Variants in CXCL16 observed in about 807,000 individuals in gnomAD.
CXCL16 encodes C-X-C motif chemokine 16.
Under a neutral mutation model 23.8 loss-of-function variants are expected in CXCL16, and 18 were observed. That is an observed-to-expected ratio of 0.76 (90% CI 0.52 to 1.12). CXCL16 has a LOEUF of 1.12. Ranked by LOEUF, CXCL16 falls within the 50% of genes most tolerant of loss-of-function variation. The pLI, the probability that CXCL16 is intolerant of heterozygous loss-of-function variation, is 0.00. For synonymous variants in CXCL16, 123 were observed against 132.5 expected (o/e 0.93, Z 0.49); for missense variants, 297 against 315.4 (o/e 0.94, Z 0.44).
Position 4,739,917 on chromosome 17 carries a change from C to G in CXCL16, c.-578G>C. ...CGCGCGCACCTGCGGGGCAGCCACC[C>G]GCGGACGCACCGAGCCCGGGGGGCG... On this transcript the variant is annotated 5_prime_UTR_variant, in exon 1 of 6. Coordinates refer to ENST00000293778, the MANE Select transcript of CXCL16 (RefSeq NM_001386809.1). This position sits in a 1 kb window ranked among gnomAD's most constrained non-coding sequence, Gnocchi z 5.3. The G allele has an allele frequency of 1.0e-6, 1 of 985,328 alleles. No homozygotes were observed. The highest frequency in any genetic ancestry group is 1.2e-6 in the Non-Finnish European group (1 of 829,998). 61.0% of individuals were successfully genotyped at this position (985,328 alleles called of 1,614,324 possible).
intron 3 of CXCL16, among the ~76,000 whole-genome samples, chr17:4,736,013 T>C (rs1916147893): frequency 2.0e-5 from 3 of 151,032 alleles, no homozygotes; most frequent in Admixed American, 2.0e-4. Context: ...GAGGTTGCAG[T>C]GAGCCAAGAT....
intron 4 of CXCL16, 145 bp from the exon 5 acceptor site, chr17:4,734,797 A>G (rs1916101873): frequency 3.9e-6 from 3 of 763,954 alleles, no homozygotes; most frequent in African/African-American, 1.7e-5. Flanking sequence ...TTGTGAATTG[A>G]ATGACTGGCC....
intron 3 of CXCL16, among the ~76,000 whole-genome samples, chr17:4,736,937 C>T (rs1185815381): frequency 6.6e-6 from 1 of 152,016 alleles, no homozygotes. Flanking sequence ...CCTGCCTCAA[C>T]CTCCTGAGTA....
rs1250965137 is a variant in CXCL16, at chr17:4,738,025, G to A, written c.301+383C>T. Among the ~76,000 whole-genome samples, 1 of 149,704 alleles carries A rather than the reference G, an allele frequency of 6.7e-6. No individual in the cohort carries two copies. Among genetic ancestry groups the A allele is most frequent in the African/African-American group, 2.4e-5 (1 of 41,028 alleles). On this transcript the variant is annotated intron_variant, in intron 3 of 5. Transcript: ENST00000293778. The surrounding 1 kb of genome is among the most constrained non-coding windows in gnomAD (Gnocchi z 4.0). ...CGCGCCTGTAATCCCAGCTACTCAG[G>A]AGGCTGAGGCAGGAGAATCTCTTGA...
Position 4,735,126 on chromosome 17 carries a change from C to G in CXCL16, c.684G>C (p.Lys228Asn). The change falls in exon 4 of 6, where the codon AAG becomes AAC. Residue 228 changes from lysine (K) to asparagine (N), a missense_variant. Lys to Asn is a moderately conservative substitution (Grantham distance 94). Coordinates refer to ENST00000293778, the MANE Select transcript of CXCL16 (RefSeq NM_001386809.1). ...LTAALSYVLC[K>N]RRRGQSPQSS... is the part of the protein sequence containing the mutation. ...ACTGCGGTGACTGCCCCCTCCTCCTCTTGCACAGCACATAGGAAAGGGCTG... is the reference window on the plus strand; with the variant it reads ...ACTGCGGTGACTGCCCCCTCCTCCTGTTGCACAGCACATAGGAAAGGGCTG... 6.2e-7 allele frequency: 1 copy of G among 1,613,090 alleles called. No individual in the cohort carries two copies. The highest frequency in any genetic ancestry group is 8.5e-7 in the Non-Finnish European group (1 of 1,179,296).
At position 4,736,660 on chromosome 17, in the gene CXCL16, G is replaced by A. The variant is rs142017034; in HGVS notation, c.302-1152C>T. Among the ~76,000 whole-genome samples, 870 of 152,262 alleles carry A rather than the reference G, an allele frequency of 5.7e-3. 8 individuals carry two copies. The highest frequency in any genetic ancestry group is 0.015 in the South Asian group (74 of 4,832). On this transcript the variant is annotated intron_variant, in intron 3 of 5. Coordinates refer to ENST00000293778, the MANE Select transcript of CXCL16 (RefSeq NM_001386809.1). ...GGGAGGATGAAAGGAAATCATAGAG[G>A]TCTAGGCAGACTTAAAGGCAGTATG...
At position 4,739,132 on chromosome 17, in the gene CXCL16, G is replaced by T; in HGVS notation, c.79+129C>A. ...CGGGCCTCTGTCCCCAACCCCAGGC[G>T]GCTGGCTGGCTTTCCTCTTGTCCCC... On this transcript the variant is annotated intron_variant, in intron 1 of 5. Transcript: ENST00000293778. The surrounding 1 kb of genome is among the most constrained non-coding windows in gnomAD (Gnocchi z 5.3). 1 of 1,313,820 alleles carries T rather than the reference G, an allele frequency of 7.6e-7. No individual in the cohort carries two copies. The highest frequency in any genetic ancestry group is 1.0e-6 in the Non-Finnish European group (1 of 958,174). The allele number at this position is 1,313,820 out of a possible 1,614,324, so 81.4% of individuals were successfully genotyped here.
chr17:4,734,751 C>G (rs1441486248), intron 4 of CXCL16, 99 bp from the exon 5 acceptor site: 1 of 1,041,612 alleles, frequency 9.6e-7, no homozygotes, highest in Non-Finnish European at 1.5e-6. Flanking sequence ...GACATCAACA[C>G]TATGACCTGG....
chr17:4,738,539 C>T lies in CXCL16; in HGVS notation c.219-49G>A, dbSNP rs1216385046. On this transcript the variant is annotated intron_variant, in intron 2 of 5. Transcript: ENST00000293778. The surrounding 1 kb of genome is among the most constrained non-coding windows in gnomAD (Gnocchi z 4.0). ...AGCTGCGGCGCCTTCTTTCCTTCCCCGGCTCCTTCCTCATTCCAGAGGCGT... is the reference window on the plus strand; with the variant it reads ...AGCTGCGGCGCCTTCTTTCCTTCCCTGGCTCCTTCCTCATTCCAGAGGCGT... The T allele has an allele frequency of 7.0e-7, 1 of 1,436,780 alleles. No individual in the cohort carries two copies. Among genetic ancestry groups the T allele is most frequent in the South Asian group, 1.2e-5 (1 of 85,514 alleles). The allele number at this position is 1,436,780 out of a possible 1,614,324, so 89.0% of individuals were successfully genotyped here. A position where few individuals can be genotyped will look rare whatever the true frequency, so the allele number is the denominator to read the frequency against.
rs1396218464 is a variant in CXCL16, at chr17:4,735,236, GC to G, written c.573del (p.Gln191HisfsTer86). The G allele has an allele frequency of 1.2e-6, 2 of 1,614,128 alleles. No individual in the cohort carries two copies. Among genetic ancestry groups the G allele is most frequent in the South Asian group, 2.2e-5 (2 of 91,078 alleles). On this transcript the variant is annotated frameshift_variant, in exon 4 of 6. Coordinates refer to ENST00000293778, the MANE Select transcript of CXCL16 (RefSeq NM_001386809.1). LOFTEE classifies it high-confidence loss of function. ...AGPEAGENQK[Q>X]PEKNAGPTAR... Reference sequence around the variant, plus strand: ...GCTGTGGGACCAGCATTTTTTTCCGGCTGCTTCTGGTTCTCCCCAGCCTCAG... The same window carrying G: ...GCTGTGGGACCAGCATTTTTTTCCGGTGCTTCTGGTTCTCCCCAGCCTCAG...
chr17:4,739,543 C>A lies in CXCL16; in HGVS notation c.-204G>T. The A allele has an allele frequency of 1.3e-6, 1 of 762,790 alleles. No individual in the cohort carries two copies. The highest frequency in any genetic ancestry group is 3.1e-5 in the East Asian group (1 of 31,806). 47.3% of individuals were successfully genotyped at this position (762,790 alleles called of 1,614,324 possible). On this transcript the variant is annotated 5_prime_UTR_variant, in exon 1 of 6. Coordinates refer to ENST00000293778, the MANE Select transcript of CXCL16 (RefSeq NM_001386809.1). This position sits in a 1 kb window ranked among gnomAD's most constrained non-coding sequence, Gnocchi z 5.3. ...CGCTCAGTACTCGGCCCGCGCCATG[C>A]CAGCCTCTGGACGCAGGGAAAGCCG...
intron 3 of CXCL16, among the ~76,000 whole-genome samples, chr17:4,737,031 G>A (rs1916172229): frequency 6.6e-6 from 1 of 151,598 alleles, no homozygotes. Context: ...TGGTCAGGCT[G>A]GTCTCAAACT....
intron 3 of CXCL16, among the ~76,000 whole-genome samples, chr17:4,737,521 A>G (rs1228793479): frequency 7.1e-6 from 1 of 140,952 alleles, no homozygotes; most frequent in Non-Finnish European, 1.5e-5. Context: ...CGGAGGCTGC[A>G]GTGAGCTGAG....
chr17:4,736,356 G>C (rs1021415310), intron 3 of CXCL16: 1 of 152,308 alleles, frequency 6.6e-6, no homozygotes, highest in African/African-American at 2.4e-5. Context: ...CCAACAGAGG[G>C]AAGAGTGAGT....
rs1370497442 is a variant in CXCL16 at position 4,739,683 on chromosome 17, G to A, written c.-344C>T. On this transcript the variant is annotated 5_prime_UTR_variant, in exon 1 of 6. Transcript: ENST00000293778. The surrounding 1 kb of genome is among the most constrained non-coding windows in gnomAD (Gnocchi z 5.3). ...ACTCCGGCGGCGGGCGAGGAGGGGC[G>A]GGAGGACGACGGCCCGAGGAGCCGA... 4.0e-6 allele frequency: 3 copies of A among 742,292 alleles called. No individual in the cohort carries two copies. Among genetic ancestry groups the A allele is most frequent in the Non-Finnish European group, 5.8e-6 (3 of 516,406 alleles). The allele number at this position is 742,292 out of a possible 1,614,324, so 46.0% of individuals were successfully genotyped here.
rs746118950 is a variant in CXCL16 at position 4,734,636 on chromosome 17, A to C, written c.735T>G (p.Tyr245Ter). Residue 245 changes from tyrosine to a stop codon, truncating the protein, a stop_gained, in exon 5 of 6, where the codon TAT becomes TAG. Coordinates refer to ENST00000293778, the MANE Select transcript of CXCL16 (RefSeq NM_001386809.1). LOFTEE classifies it high-confidence loss of function. ...PQSSPDLPVH[Y>*]IPVAPDSNT ...TATTAGAGTCAGGTGCCACAGGTAT[A>C]TAATGAACCGGCAGATCTGGAAAGG... The C allele has an allele frequency of 1.2e-6, 2 of 1,612,254 alleles. No individual in the cohort carries two copies. Among genetic ancestry groups the C allele is most frequent in the Admixed American group, 1.7e-5 (1 of 60,000 alleles).
chr17:4,734,802 C>T, intron 4 of CXCL16, 150 bp from the exon 5 acceptor site: 1 of 743,512 alleles, frequency 1.3e-6, no homozygotes, highest in African/African-American at 1.7e-5. Context: ...AATTGAATGA[C>T]TGGCCCTCAC....
In CXCL16 at chr17:4,735,235, G is replaced by C. The variant is rs61463072; in HGVS notation, c.575C>G (p.Pro192Arg). The C allele has an allele frequency of 6.2e-5, 100 of 1,614,058 alleles. 1 individual carries two copies. In the East Asian group the frequency reaches 2.2e-3, roughly 35 times the overall value. Reference protein sequence around the residue: ...GPEAGENQKQPEKNAGPTART... With the variant: ...GPEAGENQKQREKNAGPTART... The stretch of plus-strand genomic sequence containing the variant: ...GGCTGTGGGACCAGCATTTTTTTCC[G>C]GCTGCTTCTGGTTCTCCCCAGCCTC... Residue 192 changes from proline to arginine, a missense_variant, in exon 4 of 6, where the codon CCG becomes CGG. Coordinates refer to ENST00000293778, the MANE Select transcript of CXCL16 (RefSeq NM_001386809.1).
At position 4,738,872 on chromosome 17, in the gene CXCL16, CTTTTACCACAATAA is replaced by C; in HGVS notation, c.114_127del (p.Cys38TrpfsTer56). On this transcript the variant is annotated frameshift_variant, in exon 2 of 6. Coordinates refer to ENST00000293778, the MANE Select transcript of CXCL16 (RefSeq NM_001386809.1). LOFTEE classifies it high-confidence loss of function. The surrounding 1 kb of genome is among the most constrained non-coding windows in gnomAD (Gnocchi z 4.0). ...CGATGGCGGGGAGTCGGAAGAAATT[CTTTTACCACAATAA>C]CAACTTCCAGTGACGCTGCCCTCGT... The C allele has an allele frequency of 1.2e-6, 2 of 1,614,152 alleles. No homozygotes were observed. Among genetic ancestry groups the C allele is most frequent in the African/African-American group, 1.3e-5 (1 of 75,034 alleles).
Sources: gnomAD v4.1 joint callset for allele counts (sites outside exome capture counted in the v4.1 genomes callset) on GRCh38, gnomAD v4.1.1 for gene constraint, Gnocchi (gnomAD v3.1) non-coding constraint, MANE v1.5 for transcripts, NCBI Gene and HGNC (gene_info 2026-07-23, HGNC 2026-07-21) for gene names.